Variants in PDE4D observed in about 807,000 individuals in gnomAD.
PDE4D encodes the protein phosphodiesterase 4D, also known as 3',5'-cyclic-AMP phosphodiesterase 4D.
Under a neutral mutation model 87.4 loss-of-function variants are expected in PDE4D, and 24 were observed. The ratio of observed to expected loss-of-function variants is 0.27; its 90% CI spans 0.20 to 0.39. The LOEUF is 0.39. PDE4D is among the 10% of genes least tolerant of loss of function. The pLI, the probability that PDE4D is intolerant of heterozygous loss-of-function variation, is 1.00. For synonymous variants in PDE4D, 384 were observed against 383.2 expected (o/e 1.00, Z -0.02); for missense variants, 714 against 1,041.0 (o/e 0.69, Z 4.32).
At chr5:59,796,508 A>G (rs1367520513) in intron 1 of PDE4D, among the ~76,000 whole-genome samples, 1 of 152,136 alleles carries the variant, frequency 6.6e-6, no homozygotes, top group African/African-American at 2.4e-5. Flanking sequence ...GCTTTCTCCA[A>G]AAAGAGTGTT....
At chr5:59,605,292 T>C (rs1828039954) in intron 1 of PDE4D, among the ~76,000 whole-genome samples, 1 of 152,160 alleles carries the variant, frequency 6.6e-6, no homozygotes, top group Non-Finnish European at 1.5e-5. Flanking sequence ...TGGAAATTTG[T>C]GAACATTTTA....
intron 1 of PDE4D, among the ~76,000 whole-genome samples, chr5:59,615,621 C>A (rs1829564264): frequency 6.6e-6 from 1 of 152,128 alleles, no homozygotes; most frequent in South Asian, 2.1e-4. Context: ...TCTTATATCA[C>A]CAGTCTTTAT....
chr5:59,057,598 C>G (rs1271819667), intron 5 of PDE4D, among the ~76,000 whole-genome samples: 1 of 152,206 alleles, frequency 6.6e-6, no homozygotes, highest in Non-Finnish European at 1.5e-5. Context: ...TTATCCAATG[C>G]TGGATAACTG....
intron 3 of PDE4D, among the ~76,000 whole-genome samples, chr5:59,933,787 TATATTA>T (rs1756244304): frequency 9.1e-6 from 1 of 109,416 alleles, no homozygotes; most frequent in Non-Finnish European, 1.8e-5. Context: ...TATATATATA[TATATTA>T]ATAAGCATTC....
At chr5:59,074,117 C>G (rs1286660305) in intron 5 of PDE4D, among the ~76,000 whole-genome samples, 1 of 151,946 alleles carries the variant, frequency 6.6e-6, no homozygotes, top group Non-Finnish European at 1.5e-5. Context: ...ATTCAAGCTC[C>G]CAGCAAATTC....
At chr5:60,057,355 A>G (rs1344660679) in intron 2 of PDE4D, among the ~76,000 whole-genome samples, 1 of 152,062 alleles carries the variant, frequency 6.6e-6, no homozygotes, top group East Asian at 1.9e-4. Flanking sequence ...CATCTGCAAT[A>G]AGGTATTTGA....
chr5:59,668,019 T>C (rs1302618350), intron 1 of PDE4D, among the ~76,000 whole-genome samples: 1 of 152,232 alleles, frequency 6.6e-6, no homozygotes, highest in Non-Finnish European at 1.5e-5. Flanking sequence ...GTGGAAATCC[T>C]ATCCATCCTT....
intron 1 of PDE4D, among the ~76,000 whole-genome samples, chr5:59,650,742 G>A (rs62370462): frequency 0.36 from 54,302 of 151,896 alleles, 10,108 homozygotes; most frequent in Non-Finnish European, 0.39. Flanking sequence ...TACTTAATAA[G>A]TAAGGTCATT....
intron 1 of PDE4D, among the ~76,000 whole-genome samples, chr5:59,782,939 T>C (rs1764774694): frequency 6.6e-6 from 1 of 152,176 alleles, no homozygotes; most frequent in Non-Finnish European, 1.5e-5. Context: ...CCTTCACCCA[T>C]GCTTTGGACT....
chr5:60,232,138 C>G (rs1348222984), intron 1 of PDE4D, among the ~76,000 whole-genome samples: 1 of 151,806 alleles, frequency 6.6e-6, no homozygotes, highest in Non-Finnish European at 1.5e-5. Context: ...CAAAGTGGCT[C>G]AGTAGGATAT....
At chr5:59,153,414 A>C (rs1779724018) in intron 5 of PDE4D, among the ~76,000 whole-genome samples, 1 of 152,172 alleles carries the variant, frequency 6.6e-6, no homozygotes, top group Non-Finnish European at 1.5e-5. Flanking sequence ...CATTTTCCTC[A>C]TTCTGCTCAG....
intron 3 of PDE4D, among the ~76,000 whole-genome samples, chr5:59,961,468 T>C (rs1473753902): frequency 1.3e-5 from 2 of 151,950 alleles, no homozygotes; most frequent in Non-Finnish European, 2.9e-5. Flanking sequence ...AGCACCTTGA[T>C]TTTGAACTGT....
intron 1 of PDE4D, among the ~76,000 whole-genome samples, chr5:60,353,224 A>G (rs1449037282): frequency 6.6e-6 from 1 of 152,156 alleles, no homozygotes. Flanking sequence ...ACAGTTAGAA[A>G]GCAAACACCA....
At chr5:59,199,385 G>C (rs573666605) in intron 2 of PDE4D, among the ~76,000 whole-genome samples, 51 of 151,880 alleles carry the variant, frequency 3.4e-4, no homozygotes, top group African/African-American at 1.2e-3. Context: ...GCACCACCGC[G>C]CTGGCCGAAT....
chr5:59,953,842 GA>G (rs1758548201), intron 3 of PDE4D, among the ~76,000 whole-genome samples: 1 of 152,196 alleles, frequency 6.6e-6, no homozygotes, highest in East Asian at 1.9e-4. Context: ...ACTTAGTAAA[GA>G]GGAGTTACTC....
chr5:59,072,532 C>A (rs1765019564), intron 5 of PDE4D, among the ~76,000 whole-genome samples: 1 of 152,200 alleles, frequency 6.6e-6, no homozygotes, highest in Non-Finnish European at 1.5e-5. Flanking sequence ...GTTTTACATT[C>A]ATCAGGAAGT....
At chr5:59,595,852 G>A (rs898188103) in intron 1 of PDE4D, among the ~76,000 whole-genome samples, 2 of 151,842 alleles carry the variant, frequency 1.3e-5, no homozygotes, top group Admixed American at 6.6e-5. Context: ...ACAGTAGTAG[G>A]ACATAGTAGA....
At chr5:59,725,802 C>T (rs1334530691) in intron 1 of PDE4D, among the ~76,000 whole-genome samples, 1 of 151,208 alleles carries the variant, frequency 6.6e-6, no homozygotes, top group Non-Finnish European at 1.5e-5. Flanking sequence ...ATTAAACAAA[C>T]TCCATAAACA....
At chr5:60,120,425 G>C (rs539793546) in intron 2 of PDE4D, among the ~76,000 whole-genome samples, 1 of 152,316 alleles carries the variant, frequency 6.6e-6, no homozygotes, top group African/African-American at 2.4e-5. Flanking sequence ...CCAAGGTATT[G>C]ACAATGCAAG....
Sources: allele counts gnomAD v4.1 joint callset (sites outside exome capture counted in the v4.1 genomes callset), GRCh38; gene constraint gnomAD v4.1.1; transcripts MANE v1.5; gene names NCBI Gene and HGNC (gene_info 2026-07-23, HGNC 2026-07-21).